Variants in GALNTL6 observed in about 807,000 individuals in gnomAD.
GALNTL6 encodes polypeptide N-acetylgalactosaminyltransferase like 6, also known as polypeptide N-acetylgalactosaminyltransferase-like 6.
Under a neutral mutation model 73.7 loss-of-function variants are expected in GALNTL6, and 46 were observed. That is an observed-to-expected ratio of 0.62 (90% confidence interval 0.49 to 0.80). The LOEUF is 0.80. Among genes scored for constraint, GALNTL6 ranks in the 30% least tolerant of loss-of-function variants. GALNTL6 has a pLI of 0.00. For synonymous variants in GALNTL6, 259 were observed against 263.7 expected, an observed-to-expected ratio of 0.98 and a Z score of 0.17; for missense variants, 604 against 755.0, an observed-to-expected ratio of 0.80 and a Z score of 2.34.
At chr4:172,004,566 A>G (rs1364142484) in intron 2 of GALNTL6, among the ~76,000 whole-genome samples, 2 of 152,154 alleles carry the variant, frequency 1.3e-5, no homozygotes, top group East Asian at 1.9e-4. Flanking sequence ...AATATTGCCA[A>G]TACTTTAATA....
chr4:172,544,603 A>G (rs541966594), intron 5 of GALNTL6, among the ~76,000 whole-genome samples: 1 of 152,276 alleles, frequency 6.6e-6, no homozygotes, highest in South Asian at 2.1e-4. Context: ...CTCTTCTTCT[A>G]AGGAGAAGAG....
At chr4:172,461,743 G>A (rs337051) in intron 5 of GALNTL6, among the ~76,000 whole-genome samples, 135,711 of 152,276 alleles carry the variant, frequency 0.89, 60,551 homozygotes, top group African/African-American at 0.94. Flanking sequence ...TACTTAGCTT[G>A]CTTTTGGGCA....
At chr4:172,074,563 A>G (rs1442263663) in intron 2 of GALNTL6, among the ~76,000 whole-genome samples, 1 of 151,920 alleles carries the variant, frequency 6.6e-6, no homozygotes, top group Non-Finnish European at 1.5e-5. Context: ...TTTTTTTTTA[A>G]CATTGGTTAC....
At chr4:172,049,604 T>A (rs186432345) in intron 2 of GALNTL6, among the ~76,000 whole-genome samples, 3 of 152,350 alleles carry the variant, frequency 2.0e-5, no homozygotes, top group Admixed American at 6.5e-5. Flanking sequence ...ATTTCTATTT[T>A]ACGTGGCTTC....
At chr4:172,331,624 A>T (rs1741129345) in intron 4 of GALNTL6, among the ~76,000 whole-genome samples, 1 of 152,178 alleles carries the variant, frequency 6.6e-6, no homozygotes, top group Non-Finnish European at 1.5e-5. Flanking sequence ...AAGATAAATC[A>T]TGCAGTATTT....
chr4:172,396,206 G>A (rs1743843835), intron 5 of GALNTL6, among the ~76,000 whole-genome samples: 1 of 151,920 alleles, frequency 6.6e-6, no homozygotes, highest in Non-Finnish European at 1.5e-5. Flanking sequence ...TCCTCGGGCA[G>A]TTTGAGTTTA....
chr4:172,453,661 T>C (rs1332299137), intron 5 of GALNTL6, among the ~76,000 whole-genome samples: 3 of 152,356 alleles, frequency 2.0e-5, no homozygotes, highest in Non-Finnish European at 2.9e-5. Context: ...AAGGTCATCA[T>C]TAAAATACGA....
chr4:172,000,591 G>T lies in GALNTL6; in HGVS notation c.138+185873G>T, dbSNP rs75919744. On this transcript the variant is annotated intron_variant, in intron 2 of 12. Coordinates refer to ENST00000506823, the MANE Select transcript of GALNTL6 (RefSeq NM_001034845.3). ...TCTGTGCTCTGTGCATAAGGGACCA[G>T]TCTGCAGGTGAACTCCAGGGTAAGA... Among the ~76,000 whole-genome samples, 947 of 152,276 alleles carry T rather than the reference G, an allele frequency of 6.2e-3. 7 individuals carry two copies. Among genetic ancestry groups the T allele is most frequent in the Non-Finnish European group, 9.6e-3 (653 of 68,022 alleles).
chr4:172,526,054 G>A (rs1000005455), intron 5 of GALNTL6, among the ~76,000 whole-genome samples: 5 of 152,002 alleles, frequency 3.3e-5, no homozygotes, highest in Admixed American at 3.3e-4. Flanking sequence ...TACCTTAATG[G>A]TCTGTTGTGT....
intron 7 of GALNTL6, among the ~76,000 whole-genome samples, chr4:172,827,215 C>A (rs1263537286): frequency 6.6e-6 from 1 of 152,122 alleles, no homozygotes; most frequent in East Asian, 1.9e-4. Flanking sequence ...TTTTACTGAG[C>A]CCTAGCTTTG....
At chr4:172,981,384 GT>G (rs961107261) in intron 10 of GALNTL6, among the ~76,000 whole-genome samples, 10 of 152,108 alleles carry the variant, frequency 6.6e-5, no homozygotes, top group African/African-American at 2.2e-4. Flanking sequence ...CTGTTGCTGG[GT>G]TTTTTTAACA....
intron 5 of GALNTL6, among the ~76,000 whole-genome samples, chr4:172,504,179 A>AAAAAAAAAAAAAAAAAT (rs60168973): frequency 4.5e-5 from 2 of 44,440 alleles, no homozygotes; most frequent in Non-Finnish European, 9.9e-5. Flanking sequence ...AAAAAAAAAA[A>AAAAAAAAAAAAAAAAAT]CTCACACCTT....
rs577954897 is a variant in GALNTL6 at position 172,559,056 on chromosome 4, G to A, written c.553+210367G>A. 3.1e-4 allele frequency among the ~76,000 whole-genome samples: 19 copies of A among 60,796 alleles called. No individual in the cohort carries two copies. In the East Asian group the frequency reaches 8.8e-3, roughly 28 times the overall value. The allele number at this position is 60,796 out of a possible 152,430, so 39.9% of individuals were successfully genotyped here. On this transcript the variant is annotated intron_variant, in intron 5 of 12. Transcript: ENST00000506823. ...TGGTAAGGATGATGATAATGATAAT[G>A]GATTTTTTTTTTTTTTTTTTTTTTT...
chr4:172,387,421 A>G (rs905801461), intron 5 of GALNTL6, among the ~76,000 whole-genome samples: 1 of 152,102 alleles, frequency 6.6e-6, no homozygotes, highest in African/African-American at 2.4e-5. Flanking sequence ...GATTTTCTGA[A>G]TATAAACTTT....
At chr4:172,363,878 G>C (rs1196143037) in intron 5 of GALNTL6, among the ~76,000 whole-genome samples, 1 of 152,100 alleles carries the variant, frequency 6.6e-6, no homozygotes, top group Admixed American at 6.6e-5. Flanking sequence ...TAAAGTTGTT[G>C]AGAGATTCTA....
chr4:172,576,450 G>T (rs1736959032), intron 5 of GALNTL6, among the ~76,000 whole-genome samples: 1 of 152,128 alleles, frequency 6.6e-6, no homozygotes, highest in African/African-American at 2.4e-5. Flanking sequence ...AAAGAGCTTG[G>T]GTCTAAGGGT....
chr4:172,298,070 T>A (rs1407835866), intron 3 of GALNTL6, among the ~76,000 whole-genome samples: 2 of 152,218 alleles, frequency 1.3e-5, no homozygotes, highest in African/African-American at 2.4e-5. Context: ...GTCCTTCACA[T>A]CCCTTGTAAG....
chr4:172,601,569 G>GT (rs1738052304), intron 5 of GALNTL6, among the ~76,000 whole-genome samples: 1 of 152,154 alleles, frequency 6.6e-6, no homozygotes, highest in African/African-American at 2.4e-5. Flanking sequence ...TCTCACAGTG[G>GT]TTTTGACCCA....
intron 5 of GALNTL6, among the ~76,000 whole-genome samples, chr4:172,594,963 G>A (rs1043596201): frequency 6.6e-6 from 1 of 152,144 alleles, no homozygotes; most frequent in African/African-American, 2.4e-5. Flanking sequence ...TAAGAGGTCA[G>A]GGTGGCCCCG....
Sources: gnomAD v4.1 joint callset for allele counts (sites outside exome capture counted in the v4.1 genomes callset) on GRCh38, gnomAD v4.1.1 for gene constraint, MANE v1.5 for transcripts, NCBI Gene and HGNC (gene_info 2026-07-23, HGNC 2026-07-21) for gene names.